Variants in GTF3C1 observed in about 807,000 individuals in gnomAD.
The protein encoded by GTF3C1 is general transcription factor IIIC subunit 1.
Under a neutral mutation model 226.7 loss-of-function variants are expected in GTF3C1, and 57 were observed. That is an observed-to-expected ratio of 0.25 (90% CI 0.20 to 0.31). The LOEUF (loss-of-function observed/expected upper bound fraction) is 0.31, where lower values mean the gene tolerates loss of function less well. GTF3C1 is among the 10% of genes least tolerant of loss of function. GTF3C1 has a pLI of 1.00. For missense variants in GTF3C1, 2,217 were observed against 2,776.1 expected, an observed-to-expected ratio of 0.80 and a Z score of 4.53; for synonymous variants, 1,090 against 1,084.8, an observed-to-expected ratio of 1.00 and a Z score of -0.09.
chr16:27,484,164 GA>G, intron 25 of GTF3C1, 46 bp downstream of exon 25: 1 of 1,421,884 alleles, frequency 7.0e-7, no homozygotes, highest in Non-Finnish European at 9.9e-7. Context: ...AAGCAAACGG[GA>G]TAACGTAACC....
Position 27,507,195 on chromosome 16 carries a change from G to T in GTF3C1, c.1243-39C>A. 6.8e-7 allele frequency: 1 copy of T among 1,465,618 alleles called. No homozygotes were observed. The highest frequency in any genetic ancestry group is 1.2e-5 in the South Asian group (1 of 81,856). The allele number at this position is 1,465,618 out of a possible 1,614,324, so 90.8% of individuals were successfully genotyped here. ...GATGTGTTTATCCCACTGCAAAGAG[G>T]GCGTCATACCCACAGGGGTTCAGGT... On this transcript the variant is annotated intron_variant, in intron 8 of 36. Coordinates refer to ENST00000356183, the MANE Select transcript of GTF3C1 (RefSeq NM_001520.4). This position sits in a 1 kb window ranked among gnomAD's most constrained non-coding sequence, Gnocchi z 4.9.
chr16:27,484,441 G>A, intron 24 of GTF3C1, 88 bp from the exon 25 acceptor site: 1 of 875,420 alleles, frequency 1.1e-6, no homozygotes, highest in Non-Finnish European at 1.9e-6. Context: ...GACAAAATGT[G>A]TTTTGTGCAG....
intron 6 of GTF3C1, among the ~76,000 whole-genome samples, chr16:27,512,473 GC>G (rs1567405017): frequency 1.3e-5 from 2 of 152,070 alleles, no homozygotes; most frequent in African/African-American, 4.8e-5. Context: ...AAGAGGCAAA[GC>G]CTATCAGTAC....
At chr16:27,468,964 C>T (rs369329448) in intron 32 of GTF3C1, among the ~76,000 whole-genome samples, 30 of 152,254 alleles carry the variant, frequency 2.0e-4, no homozygotes, top group African/African-American at 3.9e-4. Flanking sequence ...GTGACAGGGC[C>T]GCCCGTGGAG....
At chr16:27,468,017 G>A (rs965973879) in intron 32 of GTF3C1, among the ~76,000 whole-genome samples, 1 of 152,056 alleles carries the variant, frequency 6.6e-6, no homozygotes, top group African/African-American at 2.4e-5. Context: ...TTCATGGGAG[G>A]TGGTCAAAAT....
chr16:27,539,171 G>C (rs1033460778), intron 2 of GTF3C1, among the ~76,000 whole-genome samples: 3 of 152,214 alleles, frequency 2.0e-5, no homozygotes, highest in Admixed American at 1.3e-4. Context: ...AACCAGCCCA[G>C]TGAGCTGGAC....
rs1486686188 is a variant in GTF3C1, at chr16:27,470,605, T to A, written c.4527-210A>T. 1 of 563,428 alleles carries A rather than the reference T, an allele frequency of 1.8e-6. No homozygotes were observed. Among genetic ancestry groups the A allele is most frequent in the African/African-American group, 1.9e-5 (1 of 53,168 alleles). The allele number at this position is 563,428 out of a possible 1,614,324, so 34.9% of individuals were successfully genotyped here. A position where few individuals can be genotyped will look rare whatever the true frequency, so the allele number is the denominator to read the frequency against. ...TCTCTTCCCCGCTTGCCTGAGTACC[T>A]TCCGGGCAGAGTCCTGTCTCCTCAT... On this transcript the variant is annotated intron_variant, in intron 30 of 36. Coordinates refer to ENST00000356183, the MANE Select transcript of GTF3C1 (RefSeq NM_001520.4). This position sits in a 1 kb window ranked among gnomAD's most constrained non-coding sequence, Gnocchi z 4.9.
chr16:27,526,419 C>T (rs570862301), intron 6 of GTF3C1, among the ~76,000 whole-genome samples: 12 of 152,352 alleles, frequency 7.9e-5, no homozygotes, highest in Non-Finnish European at 1.8e-4. Context: ...TAGAAACCCT[C>T]CAGCATGCTC....
chr16:27,513,207 C>T (rs2088603358), intron 6 of GTF3C1, among the ~76,000 whole-genome samples: 1 of 152,180 alleles, frequency 6.6e-6, no homozygotes, highest in South Asian at 2.1e-4. Context: ...AATCTCAGCA[C>T]TTTGGGAGGC....
At chr16:27,534,160 C>A (rs1348045379) in intron 4 of GTF3C1, among the ~76,000 whole-genome samples, 1 of 152,236 alleles carries the variant, frequency 6.6e-6, no homozygotes, top group Non-Finnish European at 1.5e-5. Flanking sequence ...CACTCTGAAG[C>A]TCCGGTTCCT....
intron 29 of GTF3C1, among the ~76,000 whole-genome samples, chr16:27,472,486 C>A (rs1359859838): frequency 1.3e-5 from 2 of 152,168 alleles, no homozygotes; most frequent in East Asian, 3.9e-4. Flanking sequence ...CTAAATCAGA[C>A]CACACATTCC....
At chr16:27,483,372 C>G (rs1009550972) in intron 25 of GTF3C1, 1 of 618,430 alleles carries the variant, frequency 1.6e-6, no homozygotes. Flanking sequence ...CATAGGTAAC[C>G]GAGAACACTG....
In GTF3C1 at chr16:27,512,013, A is replaced by T. The variant is rs2088581120; in HGVS notation, c.974-112T>A. The T allele has an allele frequency of 5.9e-6, 7 of 1,195,832 alleles. No homozygotes were observed. In the South Asian group the frequency reaches 9.6e-5, roughly 16 times the overall value. 74.1% of individuals were successfully genotyped at this position (1,195,832 alleles called of 1,614,324 possible). On this transcript the variant is annotated intron_variant, in intron 6 of 36. Transcript: ENST00000356183. ...TGTCAGCAGAGACAGAGATCCCCAC[A>T]AAGGTCACACATATCACCGTGTCTG...
chr16:27,494,922 G>T lies in GTF3C1; in HGVS notation c.2633-14C>A, dbSNP rs370711812. On this transcript the variant is annotated splice_polypyrimidine_tract_variant and intron_variant, in intron 15 of 36. Coordinates refer to ENST00000356183, the MANE Select transcript of GTF3C1 (RefSeq NM_001520.4). ...CGTCGACATACACTAGGAAAAAAAC[G>T]CACGGTTACCCCCGGCAGCCAGGAT... is the stretch of plus-strand genomic sequence containing the variant. 10 of 1,610,138 alleles carry T rather than the reference G, an allele frequency of 6.2e-6. No individual in the cohort carries two copies. The highest frequency in any genetic ancestry group is 1.7e-4 in the Middle Eastern group (1 of 5,866).
intron 2 of GTF3C1, among the ~76,000 whole-genome samples, chr16:27,541,742 T>C (rs1261793767): frequency 6.6e-6 from 1 of 152,118 alleles, no homozygotes; most frequent in Non-Finnish European, 1.5e-5. Context: ...ATGTTGAGGC[T>C]GAAGTGCAGT....
At chr16:27,479,672 T>A (rs1012484656) in intron 27 of GTF3C1, among the ~76,000 whole-genome samples, 10 of 152,136 alleles carry the variant, frequency 6.6e-5, no homozygotes, top group African/African-American at 2.4e-4. Flanking sequence ...TTTCACCATG[T>A]TGGCCAGGCT....
At position 27,497,757 on chromosome 16, in the gene GTF3C1, C is replaced by T; in HGVS notation, c.2230G>A (p.Gly744Ser). The T allele has an allele frequency of 1.2e-6, 2 of 1,613,930 alleles. No individual in the cohort carries two copies. The highest frequency in any genetic ancestry group is 1.7e-6 in the Non-Finnish European group (2 of 1,179,824). ...EAEEDSQGKE[G>S]PSGSGDSQLS... ...TGAGAGTCCCCTGATCCACTTGGGC[C>T]CTCTTTTCCTTGACTGTCTTCTTCT... Residue 744 changes from glycine to serine, a missense_variant, in exon 14 of 37, where the codon GGC becomes AGC. This residue lies in a region of GTF3C1 where 100 missense variants were observed against 139.9 expected (regional missense o/e 0.71). Transcript: ENST00000356183.
intron 4 of GTF3C1, among the ~76,000 whole-genome samples, chr16:27,537,093 A>C (rs1187826036): frequency 2.0e-5 from 3 of 152,266 alleles, no homozygotes; most frequent in African/African-American, 7.2e-5. Flanking sequence ...GTTATCGCTT[A>C]GCAGAACCTC....
intron 6 of GTF3C1, among the ~76,000 whole-genome samples, chr16:27,515,506 G>C (rs911727241): frequency 6.6e-6 from 1 of 151,160 alleles, no homozygotes; most frequent in Non-Finnish European, 1.5e-5. Context: ...TCCCCACCAA[G>C]TTGGTTCACC....
Sources: allele counts gnomAD v4.1 joint callset (sites outside exome capture counted in the v4.1 genomes callset), GRCh38; gene constraint gnomAD v4.1.1; regional missense constraint gnomAD v4.1.1; non-coding constraint Gnocchi (gnomAD v3.1); transcripts MANE v1.5; gene names NCBI Gene and HGNC (gene_info 2026-07-23, HGNC 2026-07-21).